MTA1: variants seen among roughly 807,000 people sequenced by gnomAD.
MTA1 encodes metastasis-associated protein MTA1.
In MTA1, 15 loss-of-function variants were observed where a neutral mutation model predicts 97.0. The ratio of observed to expected loss-of-function variants is 0.15; its 90% CI spans 0.10 to 0.24. MTA1 has a LOEUF of 0.24. Ranked by LOEUF, MTA1 falls within the 10% of genes least tolerant of loss-of-function variation. The pLI is 1.00. For missense variants in MTA1, 709 were observed against 1,015.1 expected, an observed-to-expected ratio of 0.70 and a Z score of 4.10; for synonymous variants, 435 against 417.5, an observed-to-expected ratio of 1.04 and a Z score of -0.51.
At chr14:105,469,244 C>A in intron 18 of MTA1, 1 of 624,188 alleles carries the variant, frequency 1.6e-6, no homozygotes, top group South Asian at 1.8e-5. Flanking sequence ...GGAGCCCAAG[C>A]CAATGTGTCT....
chr14:105,470,073 G>A lies in MTA1; in HGVS notation c.2006G>A (p.Arg669His), dbSNP rs1555434090. ...YMATEETRKIRKLLSSSETKR... is the reference protein window; with the variant it reads ...YMATEETRKIHKLLSSSETKR... ...ACCACCTCTGCCCACAGGAAGATCC[G>A]CAAGCTGCTCTCATCCTCGGAAACC... The change falls in exon 21 of 21, where the codon CGC (arginine) becomes CAC (histidine). Residue 669 changes from arginine to histidine, a missense_variant. Physicochemically the swap from Arg to His is conservative, Grantham distance 29. This residue lies in a region of MTA1 where 388 missense variants were observed against 421.6 expected (regional missense o/e 0.92). Coordinates refer to ENST00000331320, the MANE Select transcript of MTA1 (RefSeq NM_004689.4). 1.2e-6 allele frequency: 2 copies of A among 1,612,618 alleles called. No homozygotes were observed. The highest frequency in any genetic ancestry group is 1.3e-5 in the African/African-American group (1 of 75,046).
intron 1 of MTA1, among the ~76,000 whole-genome samples, chr14:105,429,677 T>A (rs2141426569): frequency 6.8e-6 from 1 of 147,766 alleles, no homozygotes; most frequent in Non-Finnish European, 1.5e-5. Context: ...ATGGCCTCAA[T>A]CTCCTGACCT....
At chr14:105,434,472 T>G (rs1344035353) in intron 1 of MTA1, among the ~76,000 whole-genome samples, 2 of 150,386 alleles carry the variant, frequency 1.3e-5, no homozygotes, top group African/African-American at 4.9e-5. Flanking sequence ...CATTTGTTAG[T>G]AGTACGTAGA....
At chr14:105,469,183 C>A in intron 18 of MTA1, 1 of 626,200 alleles carries the variant, frequency 1.6e-6, no homozygotes, top group Non-Finnish European at 3.0e-6. Flanking sequence ...ACAGCCCCGG[C>A]CCCTGTGCAG....
chr14:105,437,959 G>C (rs2082384368), intron 1 of MTA1, among the ~76,000 whole-genome samples: 1 of 152,254 alleles, frequency 6.6e-6, no homozygotes, highest in South Asian at 2.1e-4. Flanking sequence ...GAGAAGGCTG[G>C]AGGGCCAGAT....
chr14:105,463,604 T>G lies in MTA1; in HGVS notation c.1076+53T>G. The G allele has an allele frequency of 1.3e-6, 2 of 1,574,292 alleles. No individual in the cohort carries two copies. Among genetic ancestry groups the G allele is most frequent in the Middle Eastern group, 3.3e-4 (2 of 5,974 alleles). On this transcript the variant is annotated intron_variant, in intron 12 of 20. Transcript: ENST00000331320. The surrounding 1 kb of genome is among the most constrained non-coding windows in gnomAD (Gnocchi z 5.9). ...TCGTGGCCCCGGGGGCCAGGGAGGG[T>G]GGGCACAGGGTGCTGGGGCCAGGCG...
chr14:105,420,139 C>A lies in MTA1; in HGVS notation c.28+76C>A. On this transcript the variant is annotated intron_variant, in intron 1 of 20. Coordinates refer to ENST00000331320, the MANE Select transcript of MTA1 (RefSeq NM_004689.4). This position sits in a 1 kb window ranked among gnomAD's most constrained non-coding sequence, Gnocchi z 5.3. ...CCCGCCGCCGCTGCCGCCTCCCCCG[C>A]CCCTCTGCCCCGCAGGCCCCGCGCC... 1 of 759,860 alleles carries A rather than the reference C, an allele frequency of 1.3e-6. No homozygotes were observed. Among genetic ancestry groups the A allele is most frequent in the Non-Finnish European group, 1.6e-6 (1 of 620,864 alleles). The allele number at this position is 759,860 out of a possible 1,614,324, so 47.1% of individuals were successfully genotyped here.
intron 1 of MTA1, among the ~76,000 whole-genome samples, chr14:105,437,109 C>G (rs998083641): frequency 7.2e-5 from 11 of 152,270 alleles, no homozygotes; most frequent in African/African-American, 2.4e-4. Context: ...GTAGCCTCAT[C>G]TGATCAGCTG....
At chr14:105,437,412 T>C (rs1348291445) in intron 1 of MTA1, among the ~76,000 whole-genome samples, 2 of 148,050 alleles carry the variant, frequency 1.4e-5, no homozygotes, top group African/African-American at 2.5e-5. Context: ...GGCGTGTGAC[T>C]GCAGGTGCAT....
intron 16 of MTA1, 70 bp from the exon 17 acceptor site, chr14:105,466,356 G>A (rs1488570424): frequency 2.8e-6 from 4 of 1,405,704 alleles, no homozygotes; most frequent in South Asian, 1.2e-5. Context: ...ATGAGGGCTG[G>A]AGCCTGGGCC....
At chr14:105,458,146 A>G in intron 7 of MTA1, 124 bp from the exon 8 acceptor site, 1 of 733,874 alleles carries the variant, frequency 1.4e-6, no homozygotes, top group Non-Finnish European at 2.3e-6. Context: ...CCCTGGCCTC[A>G]CCTATGGGGC....
chr14:105,425,316 G>A (rs587663177), intron 1 of MTA1, among the ~76,000 whole-genome samples: 31 of 152,110 alleles, frequency 2.0e-4, no homozygotes, highest in African/African-American at 7.5e-4. Context: ...GTCTCCTGTT[G>A]CCCAGGCTGG....
At chr14:105,426,486 A>G (rs587654043) in intron 1 of MTA1, among the ~76,000 whole-genome samples, 2 of 151,498 alleles carry the variant, frequency 1.3e-5, no homozygotes, top group East Asian at 1.9e-4. Context: ...CCTTCAGAGG[A>G]CAGCAAGGGC....
At position 105,469,552 on chromosome 14, in the gene MTA1, G is replaced by C. The variant is rs997818001; in HGVS notation, c.1845+54G>C. On this transcript the variant is annotated intron_variant, in intron 19 of 20. Coordinates refer to ENST00000331320, the MANE Select transcript of MTA1 (RefSeq NM_004689.4). ...GGTGCGCTCACCCATGAGCTCTCTG[G>C]GGTGTTGGGAAGAGGCCTGGCCAGC... The C allele has an allele frequency of 3.8e-6, 6 of 1,598,786 alleles. No homozygotes were observed. In the African/African-American group the frequency reaches 6.7e-5, roughly 18 times the overall value.
chr14:105,468,184 C>A, intron 18 of MTA1: 2 of 614,836 alleles, frequency 3.3e-6, no homozygotes, highest in East Asian at 6.8e-5. Context: ...GAGGGCCCTG[C>A]CTGCCCACAG....
Position 105,470,010 on chromosome 14 carries a change from C to A in MTA1, c.1997+18C>A, listed in dbSNP as rs782468727. The A allele has an allele frequency of 1.3e-5, 21 of 1,612,338 alleles. No individual in the cohort carries two copies. The South Asian group carries it at 2.3e-4, about 18-fold the overall frequency. On this transcript the variant is annotated intron_variant, in intron 20 of 20. Transcript: ENST00000331320. ...GAGACCAGGTGGGGCCTTCCCAGGG[C>A]AGGCGGGAGGGCTCCGCACAGCGTC...
chr14:105,423,565 C>G (rs1251474900), intron 1 of MTA1, among the ~76,000 whole-genome samples: 1 of 150,772 alleles, frequency 6.6e-6, no homozygotes, highest in Non-Finnish European at 1.5e-5. Context: ...GAGTGAGACT[C>G]CGTATCAAAA....
chr14:105,423,463 C>G (rs745762351), intron 1 of MTA1, among the ~76,000 whole-genome samples: 10 of 152,232 alleles, frequency 6.6e-5, no homozygotes, highest in Admixed American at 2.6e-4. Flanking sequence ...GTGATCCACC[C>G]GCTTCGGCCT....
At chr14:105,453,777 C>T (rs1331863334) in intron 6 of MTA1, among the ~76,000 whole-genome samples, 1 of 152,210 alleles carries the variant, frequency 6.6e-6, no homozygotes, top group African/African-American at 2.4e-5. Context: ...CGCCATTGCA[C>T]TCCAACCTGG....
Sources: gnomAD v4.1 joint callset for allele counts (sites outside exome capture counted in the v4.1 genomes callset) on GRCh38, gnomAD v4.1.1 for gene constraint, gnomAD v4.1.1 regional missense constraint, Gnocchi (gnomAD v3.1) non-coding constraint, MANE v1.5 for transcripts, NCBI Gene and HGNC (gene_info 2026-07-23, HGNC 2026-07-21) for gene names.